The following MSRA variants were observed in gnomAD, a reference collection of about 807,000 sequenced individuals.
The protein encoded by MSRA is mitochondrial peptide methionine sulfoxide reductase.
In MSRA, 54 loss-of-function variants were observed where a neutral mutation model predicts 31.3. The ratio of observed to expected loss-of-function variants is 1.73; its 90% CI spans 1.39 to 2.17. The LOEUF (loss-of-function observed/expected upper bound fraction) is 2.17. MSRA is among the 30% of genes most tolerant of loss of function. The probability of loss-of-function intolerance (pLI) is 0.00; values close to 1 mark genes in which losing one functional copy is unlikely to be tolerated. For missense variants in MSRA, 507 were observed against 300.9 expected (o/e 1.69, Z -5.07); for synonymous variants, 169 against 116.5 (o/e 1.45, Z -2.90).
intron 1 of MSRA, among the ~76,000 whole-genome samples, chr8:10,093,507 G>C (rs1348146187): frequency 6.6e-6 from 1 of 152,148 alleles, no homozygotes; most frequent in East Asian, 1.9e-4. Flanking sequence ...CCTCTTCATA[G>C]ATTGTGTGCT....
intron 5 of MSRA, among the ~76,000 whole-genome samples, chr8:10,350,545 C>T (rs559807467): frequency 3.4e-4 from 52 of 152,330 alleles, no homozygotes; most frequent in African/African-American, 2.2e-4. Flanking sequence ...GAGTCCAGGA[C>T]GACCATCGAT....
intron 1 of MSRA, among the ~76,000 whole-genome samples, chr8:10,139,933 G>C (rs924657143): frequency 6.6e-6 from 1 of 152,200 alleles, no homozygotes; most frequent in Non-Finnish European, 1.5e-5. Context: ...GAAGATTTCT[G>C]TTCTTACCCA....
intron 1 of MSRA, among the ~76,000 whole-genome samples, chr8:10,082,459 C>G (rs1798343424): frequency 6.6e-6 from 1 of 152,102 alleles, no homozygotes; most frequent in African/African-American, 2.4e-5. Flanking sequence ...TCCTTTCGCC[C>G]TCCTAAGAAA....
intron 1 of MSRA, among the ~76,000 whole-genome samples, chr8:10,185,968 G>C (rs760617919): frequency 1.3e-5 from 2 of 152,208 alleles, no homozygotes; most frequent in Admixed American, 6.5e-5. Flanking sequence ...TTCTGGGTTG[G>C]GGGGAGTGGA....
intron 2 of MSRA, among the ~76,000 whole-genome samples, chr8:10,232,189 G>A (rs1811545180): frequency 6.6e-6 from 1 of 152,146 alleles, no homozygotes; most frequent in Non-Finnish European, 1.5e-5. Flanking sequence ...TGGAAGAGAG[G>A]GAGCATTTGG....
chr8:10,175,237 T>C (rs1421222194), intron 1 of MSRA, among the ~76,000 whole-genome samples: 1 of 152,196 alleles, frequency 6.6e-6, no homozygotes, highest in African/African-American at 2.4e-5. Flanking sequence ...CCTGTCTCGG[T>C]CATTCCATTG....
At chr8:10,278,538 G>A (rs577148659) in intron 3 of MSRA, among the ~76,000 whole-genome samples, 13 of 152,306 alleles carry the variant, frequency 8.5e-5, no homozygotes, top group Non-Finnish European at 1.6e-4. Flanking sequence ...CCCATCAGAT[G>A]GACGGAGAGC....
chr8:10,095,030 A>G (rs774055060), intron 1 of MSRA, among the ~76,000 whole-genome samples: 23 of 152,256 alleles, frequency 1.5e-4, no homozygotes, highest in Non-Finnish European at 2.8e-4. Context: ...AATCAAAACT[A>G]TATTCATTCT....
intron 5 of MSRA, among the ~76,000 whole-genome samples, chr8:10,373,698 G>C (rs1330248933): frequency 6.6e-6 from 1 of 152,220 alleles, no homozygotes; most frequent in African/African-American, 2.4e-5. Context: ...AGGCACAGGG[G>C]GCAACACCAG....
At chr8:10,116,100 A>C (rs777254036) in intron 1 of MSRA, among the ~76,000 whole-genome samples, 21 of 152,122 alleles carry the variant, frequency 1.4e-4, no homozygotes, top group Non-Finnish European at 3.1e-4. Flanking sequence ...GCATGGCTTG[A>C]AGCTACATGT....
At chr8:10,170,512 A>G (rs1055149205) in intron 1 of MSRA, among the ~76,000 whole-genome samples, 19 of 152,288 alleles carry the variant, frequency 1.2e-4, no homozygotes, top group African/African-American at 4.6e-4. Context: ...TTGGCCCTCC[A>G]TGTCTGTCAG....
At chr8:10,134,375 G>GT (rs1384323344) in intron 1 of MSRA, among the ~76,000 whole-genome samples, 4 of 152,244 alleles carry the variant, frequency 2.6e-5, no homozygotes, top group African/African-American at 9.6e-5. Context: ...CTGAGCTCAT[G>GT]TAGAGGCAGC....
chr8:10,097,867 T>C (rs1799280414), intron 1 of MSRA, among the ~76,000 whole-genome samples: 1 of 152,158 alleles, frequency 6.6e-6, no homozygotes, highest in Non-Finnish European at 1.5e-5. Flanking sequence ...ACAGTGTATA[T>C]TAAACTTAAA....
chr8:10,108,818 T>G (rs1187881344), intron 1 of MSRA, among the ~76,000 whole-genome samples: 4 of 152,072 alleles, frequency 2.6e-5, no homozygotes, highest in Admixed American at 2.0e-4. Context: ...TTTTTTTTTT[T>G]AGTTCTCTGT....
intron 1 of MSRA, among the ~76,000 whole-genome samples, chr8:10,057,388 T>C (rs1585056813): frequency 6.6e-6 from 1 of 152,154 alleles, no homozygotes; most frequent in African/African-American, 2.4e-5. Flanking sequence ...TGAAGTGTAT[T>C]GGTATTGTAT....
chr8:10,428,190 C>T lies in MSRA; in HGVS notation c.586C>T (p.Arg196Trp), dbSNP rs748596108. ...HGFGPITTDI[R>W]EGQTFYYAED... The stretch of plus-strand genomic sequence containing the variant: ...CTTCGGCCCCATCACTACCGACATC[C>T]GGGAGGGACAGACTTTCTACTATGC... Residue 196 changes from arginine to tryptophan, a missense_variant, in exon 6 of 6, where the codon CGG becomes TGG. Physicochemically the swap from Arg to Trp is moderately radical, Grantham distance 101 (BLOSUM62 -3). Coordinates refer to ENST00000317173, the MANE Select transcript of MSRA (RefSeq NM_012331.5). 55 of 1,613,950 alleles carry T rather than the reference C, an allele frequency of 3.4e-5. No homozygotes were observed. The highest frequency in any genetic ancestry group is 3.3e-4 in the Admixed American group (20 of 59,992).
intron 1 of MSRA, among the ~76,000 whole-genome samples, chr8:10,135,259 T>C (rs1314915125): frequency 1.3e-5 from 2 of 152,216 alleles, no homozygotes; most frequent in Admixed American, 6.5e-5. Context: ...GGTTGCCTAT[T>C]TTATAGAGAG....
At chr8:10,342,820 G>C (rs1371872639) in intron 5 of MSRA, among the ~76,000 whole-genome samples, 1 of 152,252 alleles carries the variant, frequency 6.6e-6, no homozygotes, top group Admixed American at 6.5e-5. Context: ...GAGTGACTTA[G>C]GGACCAGGCT....
intron 1 of MSRA, among the ~76,000 whole-genome samples, chr8:10,180,289 G>T (rs1215081345): frequency 6.6e-6 from 1 of 152,200 alleles, no homozygotes; most frequent in Non-Finnish European, 1.5e-5. Flanking sequence ...CAACCCAATG[G>T]AAGAGGTGCA....
Sources: allele counts gnomAD v4.1 joint callset (sites outside exome capture counted in the v4.1 genomes callset), GRCh38; gene constraint gnomAD v4.1.1; transcripts MANE v1.5; gene names NCBI Gene and HGNC (gene_info 2026-07-23, HGNC 2026-07-21).